Variants in AFG2A observed in about 807,000 individuals in gnomAD.
The protein encoded by AFG2A is ATPase family gene 2 protein homolog A.
chr4:123,115,542 C>T, the AFG2A span, among the ~76,000 whole-genome samples: 3 of 152,136 alleles, frequency 2.0e-5, no homozygotes, highest in Non-Finnish European at 4.4e-5. Flanking sequence ...ACCCCTGGGT[C>T]CAACTCTGCC....
At chr4:123,267,848 A>G in the AFG2A span, among the ~76,000 whole-genome samples, 3 of 151,974 alleles carry the variant, frequency 2.0e-5, no homozygotes, top group Non-Finnish European at 4.4e-5. Flanking sequence ...CATCTTGAGG[A>G]ACTCCAAGGG....
At chr4:123,105,298 C>T in the AFG2A span, among the ~76,000 whole-genome samples, 42 of 152,158 alleles carry the variant, frequency 2.8e-4, no homozygotes, top group Non-Finnish European at 4.9e-4. Context: ...AGCTCACTGT[C>T]GATACCTATT....
chr4:123,118,737 T>A, the AFG2A span, among the ~76,000 whole-genome samples: 1 of 152,264 alleles, frequency 6.6e-6, no homozygotes, highest in African/African-American at 2.4e-5. Flanking sequence ...ATGGTGATTC[T>A]ACCATTTTTT....
chr4:122,959,813 C>G, the AFG2A span, among the ~76,000 whole-genome samples: 1 of 152,172 alleles, frequency 6.6e-6, no homozygotes. Flanking sequence ...TGCTTACTCT[C>G]AACATCTCTA....
chr4:123,258,358 C>T, the AFG2A span, among the ~76,000 whole-genome samples: 7 of 152,224 alleles, frequency 4.6e-5, no homozygotes, highest in Non-Finnish European at 5.9e-5. Flanking sequence ...ATTTAGGAGA[C>T]GTTAAGTAAT....
the AFG2A span, among the ~76,000 whole-genome samples, chr4:123,025,280 A>C: frequency 1.3e-5 from 2 of 152,232 alleles, no homozygotes; most frequent in Admixed American, 1.3e-4. Flanking sequence ...ATCCAGAGAC[A>C]CAGCAAGTAG....
the AFG2A span, among the ~76,000 whole-genome samples, chr4:123,108,862 A>T: frequency 2.0e-5 from 3 of 152,196 alleles, no homozygotes; most frequent in Non-Finnish European, 4.4e-5. Context: ...TTGGGGCTTA[A>T]CGCATTTTTT....
the AFG2A span, among the ~76,000 whole-genome samples, chr4:123,305,549 C>T: frequency 1.3e-5 from 2 of 152,180 alleles, no homozygotes; most frequent in South Asian, 4.1e-4. Context: ...GCCCCTAGTA[C>T]TACTGTGAAA....
the AFG2A span, among the ~76,000 whole-genome samples, chr4:123,002,092 T>G: frequency 1.3e-5 from 2 of 151,834 alleles, no homozygotes; most frequent in Admixed American, 6.6e-5. Flanking sequence ...CTTTGTTGGT[T>G]TAAAGTCTGT....
the AFG2A span, among the ~76,000 whole-genome samples, chr4:123,017,998 C>T: frequency 6.6e-6 from 1 of 152,132 alleles, no homozygotes; most frequent in African/African-American, 2.4e-5. Flanking sequence ...TTTTATTTTG[C>T]TGCCTTGGAA....
the AFG2A span, among the ~76,000 whole-genome samples, chr4:123,282,653 C>G: frequency 3.9e-5 from 6 of 152,004 alleles, no homozygotes; most frequent in African/African-American, 1.4e-4. Context: ...GTCACACAGC[C>G]ACCGCTGTGA....
At chr4:123,102,798 C>CTCTGTG in the AFG2A span, among the ~76,000 whole-genome samples, 1 of 141,156 alleles carries the variant, frequency 7.1e-6, no homozygotes. Flanking sequence ...TCCTGGCATT[C>CTCTGTG]TGTGTGTGTG....
the AFG2A span, among the ~76,000 whole-genome samples, chr4:123,311,317 T>G: frequency 3.3e-5 from 5 of 151,958 alleles, no homozygotes; most frequent in Non-Finnish European, 7.4e-5. Flanking sequence ...AACAACAACT[T>G]ATAGCTCATA....
chr4:123,259,384 A>G, the AFG2A span, among the ~76,000 whole-genome samples: 1 of 152,142 alleles, frequency 6.6e-6, no homozygotes, highest in South Asian at 2.1e-4. Flanking sequence ...GAGGCTCTCA[A>G]GAGGAAGTCT....
the AFG2A span, among the ~76,000 whole-genome samples, chr4:123,141,841 TTTTC>T: frequency 1.3e-5 from 2 of 152,284 alleles, no homozygotes; most frequent in South Asian, 2.1e-4. Context: ...TTTGCAAACA[TTTTC>T]TTTCATTCTG....
chr4:123,048,708 G>A, the AFG2A span, among the ~76,000 whole-genome samples: 3 of 152,060 alleles, frequency 2.0e-5, no homozygotes, highest in Admixed American at 6.6e-5. Flanking sequence ...ACTGATTTTT[G>A]TATGTTGATT....
At chr4:123,017,119 A>G in the AFG2A span, among the ~76,000 whole-genome samples, 1 of 135,518 alleles carries the variant, frequency 7.4e-6, no homozygotes, top group Non-Finnish European at 1.6e-5. Context: ...GTGGAAAGAG[A>G]GGGAGAGGGA....
At chr4:123,065,689 C>G in the AFG2A span, among the ~76,000 whole-genome samples, 28 of 152,108 alleles carry the variant, frequency 1.8e-4, no homozygotes, top group Non-Finnish European at 3.1e-4. Flanking sequence ...TTTTGTCACT[C>G]TAAGATGCCA....
chr4:123,246,229 A>G, the AFG2A span, among the ~76,000 whole-genome samples: 1 of 152,206 alleles, frequency 6.6e-6, no homozygotes, highest in Non-Finnish European at 1.5e-5. Context: ...TAAGTTGAAA[A>G]CATTGTGCAG....
Sources: gnomAD v4.1 joint callset for allele counts (sites outside exome capture counted in the v4.1 genomes callset) on GRCh38, gnomAD v4.1.1 for gene constraint, MANE v1.5 for transcripts, NCBI Gene and HGNC (gene_info 2026-07-23, HGNC 2026-07-21) for gene names.